FUT8: variants seen among roughly 807,000 people sequenced by gnomAD.
FUT8 encodes alpha-(1,6)-fucosyltransferase.
Under a neutral mutation model 71.3 loss-of-function variants are expected in FUT8, and 29 were observed. The ratio of observed to expected loss-of-function variants is 0.41; its 90% CI spans 0.30 to 0.55. FUT8 has a LOEUF of 0.55. Ranked by LOEUF, FUT8 falls within the 20% of genes least tolerant of loss-of-function variation. The pLI is 0.34. For synonymous variants in FUT8, 254 were observed against 239.3 expected, an observed-to-expected ratio of 1.06 and a Z score of -0.57; for missense variants, 544 against 702.1, an observed-to-expected ratio of 0.77 and a Z score of 2.55.
intron 7 of FUT8, among the ~76,000 whole-genome samples, chr14:65,683,199 T>C (rs1566893845): frequency 6.6e-6 from 1 of 151,976 alleles, no homozygotes; most frequent in South Asian, 2.1e-4. Flanking sequence ...ATTTTTAATA[T>C]AGATGGGGTT....
chr14:65,461,940 G>C (rs185972567), intron 2 of FUT8, among the ~76,000 whole-genome samples: 95 of 152,278 alleles, frequency 6.2e-4, no homozygotes, highest in Admixed American at 1.4e-3. Context: ...GAGGGGTCTG[G>C]CATCTGGTAG....
chr14:65,418,682 A>T (rs12147773), intron 1 of FUT8, among the ~76,000 whole-genome samples: 1,832 of 151,966 alleles, frequency 0.012, 15 homozygotes, highest in South Asian at 0.024. Flanking sequence ...GATGAAGGAG[A>T]TTTATTCAGT....
At chr14:65,461,366 T>C (rs2065966641) in intron 2 of FUT8, among the ~76,000 whole-genome samples, 1 of 152,214 alleles carries the variant, frequency 6.6e-6, no homozygotes, top group Non-Finnish European at 1.5e-5. Flanking sequence ...AACTTGATTA[T>C]ATCTGCATAG....
chr14:65,719,090 CTG>C (rs1251236568), intron 7 of FUT8, among the ~76,000 whole-genome samples: 5 of 152,206 alleles, frequency 3.3e-5, no homozygotes, highest in Non-Finnish European at 7.3e-5. Context: ...AGGCCAATAA[CTG>C]TTAGATTTGC....
At chr14:65,618,418 A>G (rs192126837) in intron 5 of FUT8, among the ~76,000 whole-genome samples, 29 of 152,202 alleles carry the variant, frequency 1.9e-4, no homozygotes, top group Admixed American at 1.6e-3. Context: ...ATGGTAGTTC[A>G]TTGAAAACAA....
chr14:65,706,134 T>A (rs1894540739), intron 7 of FUT8, among the ~76,000 whole-genome samples: 1 of 152,230 alleles, frequency 6.6e-6, no homozygotes, highest in South Asian at 2.1e-4. Context: ...AAGATACTAT[T>A]ATCAGTCCCA....
intron 7 of FUT8, among the ~76,000 whole-genome samples, chr14:65,708,523 A>G (rs1340647284): frequency 6.6e-6 from 1 of 152,114 alleles, no homozygotes. Flanking sequence ...TCTTTTGTCA[A>G]TATTTTATAA....
the FUT8 span, among the ~76,000 whole-genome samples, chr14:65,391,219 C>T: frequency 6.6e-6 from 1 of 152,178 alleles, no homozygotes; most frequent in Non-Finnish European, 1.5e-5. Flanking sequence ...CAAGAAATCA[C>T]AGGGTATGAG....
the FUT8 span, among the ~76,000 whole-genome samples, chr14:65,403,045 C>G: frequency 6.6e-6 from 1 of 152,144 alleles, no homozygotes; most frequent in Admixed American, 6.5e-5. Flanking sequence ...TCTTCTGCTT[C>G]CTTAGATTCT....
chr14:65,444,704 T>G (rs2065712308), intron 1 of FUT8, among the ~76,000 whole-genome samples: 1 of 152,226 alleles, frequency 6.6e-6, no homozygotes, highest in South Asian at 2.1e-4. Context: ...CTGATTCCAT[T>G]TACATGATAT....
At chr14:65,369,832 T>C in the FUT8 span, among the ~76,000 whole-genome samples, 1 of 152,194 alleles carries the variant, frequency 6.6e-6, no homozygotes, top group African/African-American at 2.4e-5. The surrounding 1 kb of genome is among the most constrained non-coding windows in gnomAD (Gnocchi z 4.6). Flanking sequence ...ACTATAAGTA[T>C]ACTCAGTTAA....
At chr14:65,398,740 A>C in the FUT8 span, among the ~76,000 whole-genome samples, 8 of 151,816 alleles carry the variant, frequency 5.3e-5, no homozygotes, top group African/African-American at 1.2e-4. Context: ...AAAAAAAAAA[A>C]CAAAGAAACA....
At chr14:65,734,839 C>G (rs1242514375) in intron 10 of FUT8, among the ~76,000 whole-genome samples, 1 of 152,114 alleles carries the variant, frequency 6.6e-6, no homozygotes, top group Non-Finnish European at 1.5e-5. Flanking sequence ...TCCTCTAGTC[C>G]AGGTTTCTCA....
At chr14:65,697,299 C>G (rs1252714277) in intron 7 of FUT8, among the ~76,000 whole-genome samples, 1 of 152,168 alleles carries the variant, frequency 6.6e-6, no homozygotes, top group Admixed American at 6.5e-5. Flanking sequence ...CTTTTAGAGA[C>G]TCCTGAAATA....
chr14:65,665,560 G>C (rs1594876260), intron 6 of FUT8, among the ~76,000 whole-genome samples: 3 of 152,242 alleles, frequency 2.0e-5, no homozygotes, highest in Admixed American at 6.5e-5. Flanking sequence ...ACTACCATTT[G>C]ACCCAGCAGT....
rs925494179 is a variant in FUT8 at position 65,638,278 on chromosome 14, T to C, written c.597+8672T>C. On this transcript the variant is annotated intron_variant, in intron 6 of 10. Coordinates refer to ENST00000673929, the MANE Select transcript of FUT8 (RefSeq NM_001371533.1). This position sits in a 1 kb window ranked among gnomAD's most constrained non-coding sequence, Gnocchi z 4.5. Reference sequence around the variant, plus strand: ...CCAGGCTGGTCTCAAACTTCTGAGCTCAAGCAGTCCTCCTGCCTCAGCTTC... The same window carrying C: ...CCAGGCTGGTCTCAAACTTCTGAGCCCAAGCAGTCCTCCTGCCTCAGCTTC... 6.6e-6 allele frequency among the ~76,000 whole-genome samples: 1 copy of C among 152,128 alleles called. No individual in the cohort carries two copies. Among genetic ancestry groups the C allele is most frequent in the African/African-American group, 2.4e-5 (1 of 41,428 alleles).
Position 65,677,151 on chromosome 14 carries a change from T to TGTGTGTGTGCGCGCGCGC in FUT8, c.835+7672_835+7673insTGTGTGTGCGCGCGCGCG. On this transcript the variant is annotated intron_variant, in intron 7 of 10. Transcript: ENST00000673929. ...GTGTGTGTGTGTGTGTGTGTGTGTG[T>TGTGTGTGTGCGCGCGCGC]GCGCGCGCGCATGCGCGCGCACGTA... 9.3e-4 allele frequency among the ~76,000 whole-genome samples: 103 copies of TGTGTGTGTGCGCGCGCGC among 110,734 alleles called. 1 individual carries two copies. The highest frequency in any genetic ancestry group is 2.2e-3 in the Admixed American group (24 of 10,904). 72.6% of individuals were successfully genotyped at this position (110,734 alleles called of 152,430 possible).
chr14:65,538,093 C>T (rs1389693136), intron 2 of FUT8, among the ~76,000 whole-genome samples: 3 of 152,194 alleles, frequency 2.0e-5, no homozygotes, highest in South Asian at 2.1e-4. Context: ...GCCAAAGTCT[C>T]CTATGGGAGC....
chr14:65,734,448 G>A (rs1049522274), intron 10 of FUT8, among the ~76,000 whole-genome samples: 2 of 152,086 alleles, frequency 1.3e-5, no homozygotes, highest in African/African-American at 2.4e-5. Flanking sequence ...CCTTTAATAT[G>A]GAATAAGAAT....
Sources: allele counts gnomAD v4.1 joint callset (sites outside exome capture counted in the v4.1 genomes callset), GRCh38; gene constraint gnomAD v4.1.1; non-coding constraint Gnocchi (gnomAD v3.1); transcripts MANE v1.5; gene names NCBI Gene and HGNC (gene_info 2026-07-23, HGNC 2026-07-21).